COL5A1: variants seen among roughly 807,000 people sequenced by gnomAD.
COL5A1 encodes the protein collagen alpha-1(V) chain.
In COL5A1, 16 loss-of-function variants were observed where a neutral mutation model predicts 263.7. That is an observed-to-expected ratio of 0.06 (90% CI 0.04 to 0.09). The LOEUF (loss-of-function observed/expected upper bound fraction) is 0.09, where lower values mean the gene tolerates loss of function less well. Among genes scored for constraint, COL5A1 ranks in the 10% least tolerant of loss-of-function variants. The pLI is 1.00. For missense variants in COL5A1, 2,036 were observed against 2,540.5 expected (o/e 0.80, Z 4.27); for synonymous variants, 1,012 against 1,004.5 (o/e 1.01, Z -0.14).
Position 134,765,420 on chromosome 9 carries a change from C to T in COL5A1, c.2035-261C>T, listed in dbSNP as rs2132725443. ...CCGGTCAGCTTGAAAGCCCCCCTTT[C>T]CCTGAGGGTGCCCTGTGGTGTCCTC... is the stretch of plus-strand genomic sequence containing the variant. On this transcript the variant is annotated intron_variant, in intron 20 of 65. Transcript: ENST00000371817. This position sits in a 1 kb window ranked among gnomAD's most constrained non-coding sequence, Gnocchi z 5.1. Among the ~76,000 whole-genome samples, 2 of 152,052 alleles carry T rather than the reference C, an allele frequency of 1.3e-5. No individual in the cohort carries two copies. The highest frequency in any genetic ancestry group is 3.9e-4 in the East Asian group (2 of 5,102).
intron 39 of COL5A1, among the ~76,000 whole-genome samples, chr9:134,804,687 G>C (rs1321661615): frequency 1.3e-5 from 2 of 152,222 alleles, no homozygotes; most frequent in Non-Finnish European, 2.9e-5. Flanking sequence ...GGGCTGCTGA[G>C]TCCAGTCACG....
Position 134,761,983 on chromosome 9 carries a change from G to A in COL5A1, c.1989+5G>A, listed in dbSNP as rs367983882. The A allele has an allele frequency of 6.2e-7, 1 of 1,613,308 alleles. No homozygotes were observed. The highest frequency in any genetic ancestry group is 1.3e-5 in the African/African-American group (1 of 74,926). ...CCGGGAGACGATGGAGAAAGGGTAG[G>A]TATTCTGCCGTCCCTCCGACTGCTC... On this transcript the variant is annotated splice_donor_5th_base_variant and intron_variant, in intron 19 of 65. Transcript: ENST00000371817.
intron 31 of COL5A1, among the ~76,000 whole-genome samples, chr9:134,787,015 G>T (rs1211716204): frequency 2.0e-5 from 3 of 152,244 alleles, no homozygotes; most frequent in Non-Finnish European, 2.9e-5. Flanking sequence ...CACCCCATAT[G>T]CAGGAGAGGT....
At chr9:134,693,903 C>T (rs1392703708) in intron 2 of COL5A1, among the ~76,000 whole-genome samples, 1 of 152,148 alleles carries the variant, frequency 6.6e-6, no homozygotes, top group Non-Finnish European at 1.5e-5. Context: ...GTGGGTCAGC[C>T]TAAGCGCTAG....
chr9:134,779,237 C>T (rs1837167076), intron 27 of COL5A1, among the ~76,000 whole-genome samples: 1 of 152,202 alleles, frequency 6.6e-6, no homozygotes, highest in Non-Finnish European at 1.5e-5. Context: ...CTAAAAGTCA[C>T]CCTGCTGGGA....
In COL5A1 at chr9:134,805,199, C is replaced by T; in HGVS notation, c.3243C>T (p.Gly1081=). ...TGAAAGGCAATGAAGGGCCCCCTGG[C>T]CCACCAGGCCCTGCGGTGAGTCAAA... ...LGLKGNEGPP[G]PPGPAGSPGE... The change falls in exon 41 of 66, where the codon GGC becomes GGT. Residue 1081 remains glycine, a synonymous_variant. Transcript: ENST00000371817. 6.2e-7 allele frequency: 1 copy of T among 1,613,946 alleles called. No homozygotes were observed. Among genetic ancestry groups the T allele is most frequent in the Non-Finnish European group, 8.5e-7 (1 of 1,180,026 alleles).
intron 15 of COL5A1, 75 bp downstream of exon 15, chr9:134,753,978 G>A: frequency 1.6e-6 from 2 of 1,271,478 alleles, no homozygotes; most frequent in Non-Finnish European, 1.2e-6. Flanking sequence ...GAGCATGGAG[G>A]GACCCCAACT....
rs1490560427 is a variant in COL5A1, at chr9:134,802,951, G to A, written c.3070G>A (p.Gly1024Ser). The A allele has an allele frequency of 3.7e-6, 6 of 1,610,598 alleles. No individual in the cohort carries two copies. The highest frequency in any genetic ancestry group is 1.7e-5 in the Admixed American group (1 of 59,636). The change falls in exon 39 of 66, where the codon GGT becomes AGT. Residue 1024 changes from glycine to serine, a missense_variant. By Grantham distance (56) the Gly-to-Ser change is moderately conservative (BLOSUM62 0). This residue lies in a region of COL5A1 where 1,078 missense variants were observed against 1,521.4 expected (regional missense o/e 0.71). Coordinates refer to ENST00000371817, the MANE Select transcript of COL5A1 (RefSeq NM_000093.5). Reference protein sequence around the residue: ...RGHPGPPGPPGEQGLPGLAGK... With the variant: ...RGHPGPPGPPSEQGLPGLAGK... ...CCACCCTGGGCCCCCTGGACCCCCC[G>A]GTGAACAGGGGCTTCCGGGCCTTGC... is the stretch of plus-strand genomic sequence containing the variant.
At chr9:134,701,676 C>T (rs982718056) in intron 4 of COL5A1, among the ~76,000 whole-genome samples, 3 of 152,186 alleles carry the variant, frequency 2.0e-5, no homozygotes, top group East Asian at 1.9e-4. Context: ...ACACTCCTGC[C>T]GTCTGTATCC....
At chr9:134,655,972 C>T (rs560115099) in intron 1 of COL5A1, among the ~76,000 whole-genome samples, 7 of 152,286 alleles carry the variant, frequency 4.6e-5, no homozygotes, top group Non-Finnish European at 7.4e-5. Context: ...AACCCTGGCC[C>T]GGAGTTGCCT....
At chr9:134,827,913 G>A (rs1197497547) in intron 63 of COL5A1, among the ~76,000 whole-genome samples, 2 of 152,252 alleles carry the variant, frequency 1.3e-5, no homozygotes, top group Non-Finnish European at 2.9e-5. Context: ...GAGGGTGGGA[G>A]AGCTCTGGGT....
chr9:134,745,517 C>T (rs962739267), intron 11 of COL5A1, among the ~76,000 whole-genome samples: 1 of 152,144 alleles, frequency 6.6e-6, no homozygotes, highest in African/African-American at 2.4e-5. Context: ...ATAAAGAGCC[C>T]CTCCTGTGGA....
At chr9:134,812,773 TC>T in intron 48 of COL5A1, 61 bp downstream of exon 48, 2 of 576,500 alleles carry the variant, frequency 3.5e-6, no homozygotes, top group Non-Finnish European at 5.0e-6. Flanking sequence ...TGTGTGTGTG[TC>T]TGTGTGTGTG....
At chr9:134,704,502 G>A (rs139157433) in intron 4 of COL5A1, among the ~76,000 whole-genome samples, 2 of 152,322 alleles carry the variant, frequency 1.3e-5, no homozygotes, top group African/African-American at 4.8e-5. Context: ...GTCTCACTCT[G>A]CAGCTGGCGC....
chr9:134,809,519 C>T (rs905504208), intron 43 of COL5A1, among the ~76,000 whole-genome samples: 1 of 152,144 alleles, frequency 6.6e-6, no homozygotes, highest in South Asian at 2.1e-4. Context: ...GAAACCACAC[C>T]CTCCTGTGTC....
At chr9:134,739,373 TC>T (rs1835220755) in intron 11 of COL5A1, among the ~76,000 whole-genome samples, 2 of 152,340 alleles carry the variant, frequency 1.3e-5, no homozygotes, top group Admixed American at 1.3e-4. Context: ...AGTTTTCTCT[TC>T]CTGCTGTTGG....
Position 134,830,226 on chromosome 9 carries a change from C to T in COL5A1, c.5136+182C>T, listed in dbSNP as rs550184757. ...ACCTCGGCACTGCCTGCTTGCGGCA[C>T]GGCTGGCTCGCGGCTCTGCATGGCA... On this transcript the variant is annotated intron_variant, in intron 64 of 65. Coordinates refer to ENST00000371817, the MANE Select transcript of COL5A1 (RefSeq NM_000093.5). The T allele has an allele frequency of 3.4e-3, 5,250 of 1,555,076 alleles. 17 individuals carry two copies. Among genetic ancestry groups the T allele is most frequent in the Non-Finnish European group, 4.3e-3 (4,925 of 1,143,632 alleles).
chr9:134,782,327 T>C (rs534354305), intron 28 of COL5A1, among the ~76,000 whole-genome samples: 1 of 152,352 alleles, frequency 6.6e-6, no homozygotes, highest in East Asian at 1.9e-4. Context: ...GCTTCAGTGC[T>C]GATGGGACGC....
intron 51 of COL5A1, 81 bp from the exon 52 acceptor site, chr9:134,815,854 G>A (rs1218357242): frequency 1.3e-6 from 2 of 1,542,444 alleles, no homozygotes; most frequent in Non-Finnish European, 1.8e-6. Context: ...TTGGGAAGGG[G>A]CTGGAGATGC....
Sources: gnomAD v4.1 joint callset for allele counts (sites outside exome capture counted in the v4.1 genomes callset) on GRCh38, gnomAD v4.1.1 for gene constraint, gnomAD v4.1.1 regional missense constraint, Gnocchi (gnomAD v3.1) non-coding constraint, MANE v1.5 for transcripts, NCBI Gene and HGNC (gene_info 2026-07-23, HGNC 2026-07-21) for gene names.